CNTNAP2: variants seen among roughly 807,000 people sequenced by gnomAD.
CNTNAP2 encodes the protein contactin associated protein 2.
Under a neutral mutation model 155.2 loss-of-function variants are expected in CNTNAP2, and 98 were observed. The observed-to-expected ratio is 0.63, with a 90% CI of 0.54 to 0.75. The LOEUF (loss-of-function observed/expected upper bound fraction) is 0.75. Among genes scored for constraint, CNTNAP2 ranks in the 30% least tolerant of loss-of-function variants. CNTNAP2 has a pLI of 0.00. For missense variants in CNTNAP2, 1,727 were observed against 1,688.1 expected (o/e 1.02, Z -0.40); for synonymous variants, 651 against 631.2 (o/e 1.03, Z -0.47).
chr7:148,116,521 A>C lies in CNTNAP2; in HGVS notation c.2384-1597A>C, dbSNP rs559110721. Among the ~76,000 whole-genome samples, 7 of 152,342 alleles carry C rather than the reference A, an allele frequency of 4.6e-5. No homozygotes were observed. The East Asian group carries it at 1.2e-3, about 25-fold the overall frequency. On this transcript the variant is annotated intron_variant, in intron 15 of 23. Transcript: ENST00000361727. ...GACAACTTGAATTCTGGTGCTGCCC[A>C]ATTCACGAATCACTGAATGTCCAAA...
intron 1 of CNTNAP2, among the ~76,000 whole-genome samples, chr7:146,133,995 T>G (rs958882271): frequency 6.7e-6 from 1 of 150,148 alleles, no homozygotes; most frequent in African/African-American, 2.5e-5. Context: ...ATCTGTAAAT[T>G]ACCTTGGGCA....
intron 8 of CNTNAP2, among the ~76,000 whole-genome samples, chr7:147,148,913 C>T (rs1251610436): frequency 6.6e-6 from 1 of 152,192 alleles, no homozygotes; most frequent in Admixed American, 6.5e-5. Flanking sequence ...GCCGCAGACC[C>T]TTGTGGTGGG....
intron 15 of CNTNAP2, among the ~76,000 whole-genome samples, chr7:148,042,365 G>A (rs1802694349): frequency 6.6e-6 from 1 of 152,234 alleles, no homozygotes; most frequent in Non-Finnish European, 1.5e-5. Context: ...CCAGGGCATG[G>A]TGGAGGGGGA....
intron 8 of CNTNAP2, among the ~76,000 whole-genome samples, chr7:147,218,576 T>C (rs1350059045): frequency 6.6e-6 from 1 of 150,514 alleles, no homozygotes; most frequent in Non-Finnish European, 1.5e-5. Flanking sequence ...CTGTTTTTTT[T>C]TTCTTGTTTA....
intron 9 of CNTNAP2, among the ~76,000 whole-genome samples, chr7:147,384,951 AAG>A (rs1470634234): frequency 6.6e-6 from 1 of 152,188 alleles, no homozygotes; most frequent in Non-Finnish European, 1.5e-5. Flanking sequence ...TTACAAAAGA[AAG>A]AGGTTTAATG....
At chr7:146,441,196 G>C (rs898512675) in intron 1 of CNTNAP2, among the ~76,000 whole-genome samples, 2 of 151,542 alleles carry the variant, frequency 1.3e-5, no homozygotes, top group African/African-American at 4.9e-5. Context: ...CATATGTAAT[G>C]AGTGTGACTG....
chr7:146,189,936 T>A (rs1323292437), intron 1 of CNTNAP2, among the ~76,000 whole-genome samples: 1 of 152,216 alleles, frequency 6.6e-6, no homozygotes, highest in Non-Finnish European at 1.5e-5. Flanking sequence ...CCATATCTAA[T>A]GTTTCTTTTG....
rs77349471 is a variant in CNTNAP2 at position 147,914,708 on chromosome 7, T to C, written c.2255+10987T>C. Among the ~76,000 whole-genome samples the C allele has an allele frequency of 2.9e-3, 436 of 152,154 alleles. 17 individuals carry two copies. The East Asian group carries it at 0.065, about 23-fold the overall frequency. On this transcript the variant is annotated intron_variant, in intron 14 of 23. Transcript: ENST00000361727. The stretch of plus-strand genomic sequence containing the variant: ...GGGACTATAGGCACAAACCACCACA[T>C]CTAGCTAATTTTTTGTATTTTTTGT...
chr7:148,067,883 G>T (rs1353920622), intron 15 of CNTNAP2, among the ~76,000 whole-genome samples: 6 of 152,152 alleles, frequency 3.9e-5, no homozygotes, highest in Non-Finnish European at 8.8e-5. Context: ...TTCCCAGGGG[G>T]ATTATGGCTG....
chr7:146,940,482 C>T (rs913060539), intron 3 of CNTNAP2, among the ~76,000 whole-genome samples: 4 of 151,972 alleles, frequency 2.6e-5, no homozygotes, highest in East Asian at 1.9e-4. Context: ...CGTGAGCCAC[C>T]GCACCCAGCC....
chr7:148,383,979 A>G lies in CNTNAP2; in HGVS notation c.3715+91A>G, dbSNP rs1799133737. The G allele has an allele frequency of 3.3e-6, 5 of 1,503,894 alleles. No individual in the cohort carries two copies. In the Admixed American group the frequency reaches 7.8e-5, roughly 24 times the overall value. The allele number at this position is 1,503,894 out of a possible 1,614,324, so 93.2% of individuals were successfully genotyped here. On this transcript the variant is annotated intron_variant, in intron 22 of 23. Coordinates refer to ENST00000361727, the MANE Select transcript of CNTNAP2 (RefSeq NM_014141.6). Reference sequence around the variant, plus strand: ...GGAATGGATTTAATAACAGAACCTCACTGGTAATGTCATTGGAGGATTAAG... The same window carrying G: ...GGAATGGATTTAATAACAGAACCTCGCTGGTAATGTCATTGGAGGATTAAG...
In CNTNAP2 at chr7:146,978,815, A is replaced by G. The variant is rs554544342; in HGVS notation, c.403-65092A>G. 9.2e-5 allele frequency among the ~76,000 whole-genome samples: 14 copies of G among 152,234 alleles called. No homozygotes were observed. The East Asian group carries it at 2.7e-3, about 29-fold the overall frequency. On this transcript the variant is annotated intron_variant, in intron 3 of 23. Coordinates refer to ENST00000361727, the MANE Select transcript of CNTNAP2 (RefSeq NM_014141.6). ...CTGAAGATCCCAAAATAAATAAGAAAGTGTCCAGCCTTTCAAGTAGCTCTC... is the reference window on the plus strand; with the variant it reads ...CTGAAGATCCCAAAATAAATAAGAAGGTGTCCAGCCTTTCAAGTAGCTCTC...
At chr7:147,172,754 T>G (rs1210512519) in intron 8 of CNTNAP2, among the ~76,000 whole-genome samples, 1 of 152,150 alleles carries the variant, frequency 6.6e-6, no homozygotes, top group Non-Finnish European at 1.5e-5. Context: ...GGATCTAAAA[T>G]GAAGGATGAG....
intron 14 of CNTNAP2, among the ~76,000 whole-genome samples, chr7:147,947,666 C>T (rs2116824769): frequency 6.6e-6 from 1 of 151,952 alleles, no homozygotes; most frequent in Admixed American, 6.6e-5. Flanking sequence ...GCAAGAGTAG[C>T]TCCCAATGCT....
intron 1 of CNTNAP2, among the ~76,000 whole-genome samples, chr7:146,360,263 G>T (rs2129100659): frequency 6.6e-6 from 1 of 152,284 alleles, no homozygotes; most frequent in Non-Finnish European, 1.5e-5. Context: ...AGACACATTT[G>T]ACTTTCAGTG....
At chr7:146,554,854 G>GA (rs1798173960) in intron 1 of CNTNAP2, among the ~76,000 whole-genome samples, 1 of 152,242 alleles carries the variant, frequency 6.6e-6, no homozygotes, top group African/African-American at 2.4e-5. Flanking sequence ...TAGCCAGGGT[G>GA]AAAATGGGGA....
intron 1 of CNTNAP2, among the ~76,000 whole-genome samples, chr7:146,476,830 G>A (rs987207139): frequency 1.3e-5 from 2 of 152,160 alleles, no homozygotes; most frequent in Non-Finnish European, 2.9e-5. Flanking sequence ...TACTTGGCGA[G>A]TAGGGCTACA....
intron 1 of CNTNAP2, among the ~76,000 whole-genome samples, chr7:146,473,757 C>A (rs1040796954): frequency 2.0e-5 from 3 of 151,962 alleles, no homozygotes; most frequent in African/African-American, 7.3e-5. Context: ...TATGTTTTTC[C>A]CCCCATTTTT....
At chr7:147,127,717 C>G (rs1231595616) in intron 6 of CNTNAP2, among the ~76,000 whole-genome samples, 1 of 151,924 alleles carries the variant, frequency 6.6e-6, no homozygotes. Flanking sequence ...GTTATATATT[C>G]TCATTGAAAA....
Sources: allele counts gnomAD v4.1 joint callset (sites outside exome capture counted in the v4.1 genomes callset), GRCh38; gene constraint gnomAD v4.1.1; transcripts MANE v1.5; gene names NCBI Gene and HGNC (gene_info 2026-07-23, HGNC 2026-07-21).